ZNF722: variants seen among roughly 807,000 people sequenced by gnomAD.
The protein encoded by ZNF722 is zinc finger protein 479 pseudogene.
the ZNF722 span, chr7:64,006,236 C>T: frequency 3.1e-6 from 4 of 1,291,998 alleles, no homozygotes; most frequent in Admixed American, 4.7e-5. Flanking sequence ...ATTGCTGACT[C>T]TAAGCCAGAC....
chr7:64,017,490 A>G, the ZNF722 span, among the ~76,000 whole-genome samples: 6 of 152,340 alleles, frequency 3.9e-5, no homozygotes, highest in African/African-American at 1.2e-4. Context: ...ACATACAAAC[A>G]TAAAGAGGAT....
the ZNF722 span, among the ~76,000 whole-genome samples, chr7:64,013,990 T>G: frequency 1.3e-5 from 2 of 152,100 alleles, no homozygotes; most frequent in African/African-American, 4.8e-5. Flanking sequence ...TGTTGACAAA[T>G]TCACTGGTTG....
At chr7:64,000,132 T>TG in the ZNF722 span, among the ~76,000 whole-genome samples, 27 of 139,820 alleles carry the variant, frequency 1.9e-4, no homozygotes, top group Admixed American at 8.1e-4. Context: ...TTTTTTTTTT[T>TG]TGTGTGTGTG....
chr7:64,013,459 A>G, the ZNF722 span, among the ~76,000 whole-genome samples: 1 of 151,668 alleles, frequency 6.6e-6, no homozygotes. Context: ...TTTTTTCTTT[A>G]TGCTACATTA....
chr7:64,004,428 A>ATATATATATATATG, the ZNF722 span, among the ~76,000 whole-genome samples: 8 of 64,262 alleles, frequency 1.2e-4, no homozygotes, highest in East Asian at 7.9e-4. Flanking sequence ...AAAAAAAAAT[A>ATATATATATATATG]TATATATATA....
At chr7:64,012,086 G>A in the ZNF722 span, among the ~76,000 whole-genome samples, 9 of 152,124 alleles carry the variant, frequency 5.9e-5, no homozygotes, top group East Asian at 3.9e-4. Context: ...TTGTGCATGC[G>A]TCACATAGTT....
chr7:64,006,189 A>G, the ZNF722 span: 4 of 1,095,464 alleles, frequency 3.7e-6, no homozygotes, highest in South Asian at 1.8e-5. Flanking sequence ...AGAATTCAGC[A>G]AGATTTATCT....
the ZNF722 span, among the ~76,000 whole-genome samples, chr7:64,012,751 A>G: frequency 6.6e-6 from 1 of 152,200 alleles, no homozygotes; most frequent in East Asian, 1.9e-4. Context: ...GATATGGTGT[A>G]GATGCCCTCC....
chr7:64,006,372 C>G, the ZNF722 span: 7 of 1,128,186 alleles, frequency 6.2e-6, no homozygotes, highest in Non-Finnish European at 1.3e-6. Flanking sequence ...CACAAATCAA[C>G]AAGGCAGCCA....
chr7:64,006,867 T>C, the ZNF722 span, among the ~76,000 whole-genome samples: 1 of 151,968 alleles, frequency 6.6e-6, no homozygotes, highest in South Asian at 2.1e-4. Flanking sequence ...TGGGTTATGA[T>C]ACTTGCTGTG....
At chr7:64,005,422 TC>T in the ZNF722 span, among the ~76,000 whole-genome samples, 2 of 14,124 alleles carry the variant, frequency 1.4e-4, no homozygotes, top group Admixed American at 6.6e-4. Flanking sequence ...TATGCTATTC[TC>T]TTTTCTTAGA....
the ZNF722 span, among the ~76,000 whole-genome samples, chr7:64,000,357 G>A: frequency 2.0e-4 from 29 of 143,402 alleles, no homozygotes; most frequent in African/African-American, 5.2e-4. Flanking sequence ...TTGAACTCCC[G>A]ACCTCAGGTG....
chr7:64,004,425 A>AAAAAAAATATATATATATATATATAT, the ZNF722 span, among the ~76,000 whole-genome samples: 1 of 61,120 alleles, frequency 1.6e-5, no homozygotes, highest in African/African-American at 8.0e-5. Context: ...AAAAAAAAAA[A>AAAAAAAATATATATATATATATATAT]ATATATATAT....
the ZNF722 span, among the ~76,000 whole-genome samples, chr7:64,001,815 T>G: frequency 2.0e-5 from 3 of 152,154 alleles, no homozygotes; most frequent in Non-Finnish European, 4.4e-5. Context: ...TTCTTTTTTC[T>G]CCATTAGTCT....
At chr7:64,004,057 A>G in the ZNF722 span, among the ~76,000 whole-genome samples, 2 of 152,134 alleles carry the variant, frequency 1.3e-5, no homozygotes, top group African/African-American at 4.8e-5. Context: ...ATTACAGAAC[A>G]GGGAAGTTAT....
the ZNF722 span, among the ~76,000 whole-genome samples, chr7:64,005,421 CTCTTT>C: frequency 0.71 from 107,207 of 151,466 alleles, 38,495 homozygotes; most frequent in Non-Finnish European, 0.77. Flanking sequence ...TTATGCTATT[CTCTTT>C]TCTTAGAGTT....
At chr7:64,009,878 T>C in the ZNF722 span, among the ~76,000 whole-genome samples, 2 of 152,118 alleles carry the variant, frequency 1.3e-5, no homozygotes, top group Non-Finnish European at 2.9e-5. Context: ...GTCCTGGACT[T>C]TTTTTGGTTG....
chr7:64,002,928 C>T, the ZNF722 span, among the ~76,000 whole-genome samples: 4 of 152,290 alleles, frequency 2.6e-5, no homozygotes, highest in Non-Finnish European at 5.9e-5. Flanking sequence ...TCTGCTGTGC[C>T]TGCTTTCTCT....
the ZNF722 span, chr7:64,015,571 A>G: frequency 1.1e-5 from 17 of 1,613,686 alleles, no homozygotes; most frequent in Non-Finnish European, 1.4e-5. Flanking sequence ...GAGAAACCCT[A>G]CACATGTGAA....
Sources: allele counts gnomAD v4.1 joint callset (sites outside exome capture counted in the v4.1 genomes callset), GRCh38; gene constraint gnomAD v4.1.1; transcripts MANE v1.5; gene names NCBI Gene and HGNC (gene_info 2026-07-23, HGNC 2026-07-21).